The following ZCCHC7 variants were observed in gnomAD, a reference collection of about 807,000 sequenced individuals.
ZCCHC7 encodes zinc finger CCHC-type containing 7.
In ZCCHC7, 35 loss-of-function variants were observed where a neutral mutation model predicts 52.0. That is an observed-to-expected ratio of 0.67 (90% CI 0.51 to 0.89). ZCCHC7 has a LOEUF of 0.89. Ranked by LOEUF, ZCCHC7 falls within the 40% of genes least tolerant of loss-of-function variation. The probability of loss-of-function intolerance (pLI) is 0.00; values close to 1 mark genes in which losing one functional copy is unlikely to be tolerated. For synonymous variants in ZCCHC7, 217 were observed against 221.5 expected (o/e 0.98, Z 0.18); for missense variants, 574 against 649.1 (o/e 0.88, Z 1.26).
chr9:37,256,389 ATTTACCTT>A (rs1484829380), intron 2 of ZCCHC7, among the ~76,000 whole-genome samples: 2 of 152,110 alleles, frequency 1.3e-5, no homozygotes, highest in Non-Finnish European at 2.9e-5. Flanking sequence ...CTAAGAAGTT[ATTTACCTT>A]TTTCAATGTG....
chr9:37,233,138 T>A (rs1394395770), intron 2 of ZCCHC7, among the ~76,000 whole-genome samples: 1 of 152,216 alleles, frequency 6.6e-6, no homozygotes, highest in Non-Finnish European at 1.5e-5. Flanking sequence ...GAGGTTATAT[T>A]TCTAAAAGCC....
chr9:37,235,824 G>A (rs1020498150), intron 2 of ZCCHC7, among the ~76,000 whole-genome samples: 12 of 151,574 alleles, frequency 7.9e-5, no homozygotes, highest in Non-Finnish European at 1.3e-4. Context: ...TCCTGACCTC[G>A]TGATCCACCC....
At chr9:37,163,066 T>A (rs1199377998) in intron 2 of ZCCHC7, among the ~76,000 whole-genome samples, 1 of 151,956 alleles carries the variant, frequency 6.6e-6, no homozygotes, top group Non-Finnish European at 1.5e-5. Flanking sequence ...CCAGGCATGG[T>A]AGTGTGCGCC....
intron 2 of ZCCHC7, among the ~76,000 whole-genome samples, chr9:37,171,513 G>A (rs1456495488): frequency 2.0e-5 from 3 of 152,152 alleles, no homozygotes; most frequent in African/African-American, 7.2e-5. Flanking sequence ...GAATTCCTGG[G>A]CTTGAGGAAT....
At chr9:37,253,401 A>G (rs963877518) in intron 2 of ZCCHC7, among the ~76,000 whole-genome samples, 1 of 152,032 alleles carries the variant, frequency 6.6e-6, no homozygotes, top group Non-Finnish European at 1.5e-5. Flanking sequence ...TGCTTCTTTA[A>G]TGAATCTTGA....
At position 37,135,261 on chromosome 9, in the gene ZCCHC7, A is replaced by G. The variant is rs868037889; in HGVS notation, c.610+8319A>G. 1.7e-4 allele frequency among the ~76,000 whole-genome samples: 26 copies of G among 152,262 alleles called. 1 individual carries two copies. Among genetic ancestry groups the G allele is most frequent in the Admixed American group, 6.5e-5 (1 of 15,288 alleles). On this transcript the variant is annotated intron_variant, in intron 2 of 8. Transcript: ENST00000336755. ...GAATAGTAATTTAAAATAGTTGATG[A>G]CTAATGCACTTGTTACAGTCTTAAA...
chr9:37,340,421 AG>A (rs1184980106), intron 6 of ZCCHC7, among the ~76,000 whole-genome samples: 3 of 149,984 alleles, frequency 2.0e-5, no homozygotes, highest in African/African-American at 7.4e-5. Context: ...AAAAAAAAAA[AG>A]AAATACAAAA....
At position 37,174,739 on chromosome 9, in the gene ZCCHC7, T is replaced by G. The variant is rs536143699; in HGVS notation, c.610+47797T>G. 8.5e-5 allele frequency among the ~76,000 whole-genome samples: 13 copies of G among 152,336 alleles called. No individual in the cohort carries two copies. In the East Asian group the frequency reaches 2.5e-3, roughly 29 times the overall value. The stretch of plus-strand genomic sequence containing the variant: ...CCTAATTCTTGTTTGTGTCACTATT[T>G]AAGGGTTTGGAGTATTCACTGTCTA... On this transcript the variant is annotated intron_variant, in intron 2 of 8. Coordinates refer to ENST00000336755, the MANE Select transcript of ZCCHC7 (RefSeq NM_032226.3).
chr9:37,231,136 G>A (rs2133311495), intron 2 of ZCCHC7, among the ~76,000 whole-genome samples: 1 of 152,266 alleles, frequency 6.6e-6, no homozygotes, highest in East Asian at 1.9e-4. Flanking sequence ...AGTAGAGACA[G>A]GGTTTTGCCA....
intron 2 of ZCCHC7, among the ~76,000 whole-genome samples, chr9:37,224,928 A>G (rs1825017537): frequency 6.6e-6 from 1 of 152,224 alleles, no homozygotes. Context: ...TTACACCTAT[A>G]CATTTCTCTC....
chr9:37,140,512 G>T (rs1228001064), intron 2 of ZCCHC7, among the ~76,000 whole-genome samples: 1 of 151,870 alleles, frequency 6.6e-6, no homozygotes, highest in East Asian at 1.9e-4. Context: ...AAAGTTTCTG[G>T]ATAGGTGAGT....
chr9:37,332,534 TATC>T (rs1199187740), intron 6 of ZCCHC7, among the ~76,000 whole-genome samples: 1 of 151,604 alleles, frequency 6.6e-6, no homozygotes, highest in Non-Finnish European at 1.5e-5. Flanking sequence ...CTGTTAAAAT[TATC>T]ATCATAATTT....
chr9:37,255,884 C>T (rs151120060), intron 2 of ZCCHC7, among the ~76,000 whole-genome samples: 8 of 152,238 alleles, frequency 5.3e-5, no homozygotes, highest in African/African-American at 1.9e-4. Flanking sequence ...CTTAACAGTG[C>T]TGAGGGAATT....
intron 5 of ZCCHC7, 108 bp from the exon 6 acceptor site, chr9:37,327,691 C>G (rs186890148): frequency 8.3e-7 from 1 of 1,202,960 alleles, no homozygotes; most frequent in East Asian, 2.4e-5. Context: ...TGTTAAGCTT[C>G]TTATTTTCCT....
chr9:37,168,606 A>G (rs1265268883), intron 2 of ZCCHC7, among the ~76,000 whole-genome samples: 1 of 152,208 alleles, frequency 6.6e-6, no homozygotes, highest in African/African-American at 2.4e-5. Flanking sequence ...TTATGTAAAC[A>G]AAGTACCCAG....
chr9:37,294,023 A>G (rs1828663705), intron 2 of ZCCHC7, among the ~76,000 whole-genome samples: 1 of 152,192 alleles, frequency 6.6e-6, no homozygotes, highest in African/African-American at 2.4e-5. Flanking sequence ...TTTACTTGCA[A>G]ATTCTGCTAT....
chr9:37,304,116 A>G, intron 3 of ZCCHC7, 72 bp from the exon 4 acceptor site: 1 of 1,460,958 alleles, frequency 6.8e-7, no homozygotes, highest in Non-Finnish European at 9.3e-7. Context: ...AGTTGTCTTT[A>G]ACAAGAGTAG....
intron 2 of ZCCHC7, among the ~76,000 whole-genome samples, chr9:37,179,590 C>T (rs1029053389): frequency 3.9e-5 from 6 of 152,134 alleles, no homozygotes; most frequent in African/African-American, 7.2e-5. Flanking sequence ...CGATTAATAC[C>T]TCTCTAATTT....
chr9:37,340,578 T>G (rs767068988), intron 6 of ZCCHC7, among the ~76,000 whole-genome samples: 6 of 152,180 alleles, frequency 3.9e-5, no homozygotes, highest in Non-Finnish European at 7.4e-5. Context: ...GACAGAACAC[T>G]GAACTTAGAG....
Sources: allele counts gnomAD v4.1 joint callset (sites outside exome capture counted in the v4.1 genomes callset), GRCh38; gene constraint gnomAD v4.1.1; transcripts MANE v1.5; gene names NCBI Gene and HGNC (gene_info 2026-07-23, HGNC 2026-07-21).